The following CLSPN variants were observed in gnomAD, a reference collection of about 807,000 sequenced individuals.
CLSPN encodes claspin homolog.
CLSPN carries 85 observed loss-of-function variants against 156.3 expected under a neutral mutation model. The observed-to-expected ratio is 0.54, with a 90% CI of 0.46 to 0.65. The LOEUF (loss-of-function observed/expected upper bound fraction) is 0.65, where lower values mean the gene tolerates loss of function less well. Ranked by LOEUF, CLSPN falls within the 30% of genes least tolerant of loss-of-function variation. CLSPN has a pLI of 0.00. For synonymous variants in CLSPN, 534 were observed against 542.4 expected, an observed-to-expected ratio of 0.98 and a Z score of 0.22; for missense variants, 1,407 against 1,554.9, an observed-to-expected ratio of 0.90 and a Z score of 1.60.
intron 14 of CLSPN, 80 bp downstream of exon 14, chr1:35,747,827 G>A (rs1641943427): frequency 3.7e-6 from 5 of 1,338,186 alleles, no homozygotes; most frequent in Non-Finnish European, 5.2e-6. Context: ...CAGATGGAGT[G>A]ACAGAAGCTC....
intron 18 of CLSPN, among the ~76,000 whole-genome samples, chr1:35,742,603 T>G (rs1229568036): frequency 6.6e-6 from 1 of 152,122 alleles, no homozygotes; most frequent in African/African-American, 2.4e-5. Flanking sequence ...GGTCTCAAAC[T>G]CCTGACCTCA....
rs992894224 is a variant in CLSPN, at chr1:35,768,502, G to T, written c.24+1345C>A. On this transcript the variant is annotated intron_variant, in intron 1 of 24. Transcript: ENST00000318121. ...GGCTCACTGCAGCCTTGACCTCCCA[G>T]GCCCAAAGGATTCTCTCACCTCAGC... 2.0e-5 allele frequency among the ~76,000 whole-genome samples: 3 copies of T among 151,842 alleles called. No homozygotes were observed. The East Asian group carries it at 5.8e-4, about 29-fold the overall frequency.
chr1:35,722,150 A>T (rs1236153388), intron 24 of CLSPN, among the ~76,000 whole-genome samples: 2 of 151,906 alleles, frequency 1.3e-5, no homozygotes, highest in Non-Finnish European at 2.9e-5. Context: ...AAAAAAAAAA[A>T]TTAAAATAAA....
At chr1:35,763,055 T>C in intron 4 of CLSPN, 105 bp downstream of exon 4, 1 of 913,236 alleles carries the variant, frequency 1.1e-6, no homozygotes, top group Non-Finnish European at 1.5e-6. Context: ...CTGACACAAG[T>C]TTTTCTTCAG....
At chr1:35,729,461 C>T (rs1641267247), downstream of CLSPN, among the ~76,000 whole-genome samples, 1 of 152,174 alleles carries the variant, frequency 6.6e-6, no homozygotes, top group Non-Finnish European at 1.5e-5. Flanking sequence ...AATCAATAAA[C>T]TGAAAATGAA....
At chr1:35,768,452 G>A (rs1642747301) in intron 1 of CLSPN, among the ~76,000 whole-genome samples, 1 of 151,498 alleles carries the variant, frequency 6.6e-6, no homozygotes, top group South Asian at 2.1e-4. Context: ...CTGTCACCTA[G>A]GCTGGAGTGC....
intron 6 of CLSPN, among the ~76,000 whole-genome samples, chr1:35,761,405 A>G (rs1205819344): frequency 6.6e-6 from 1 of 152,238 alleles, no homozygotes. Flanking sequence ...AAAATGATCC[A>G]GGAAGTTTTT....
chr1:35,726,950 C>T (rs577730205), intron 24 of CLSPN, among the ~76,000 whole-genome samples: 1 of 152,190 alleles, frequency 6.6e-6, no homozygotes, highest in East Asian at 1.9e-4. Context: ...TGGTGTGGGG[C>T]GTGAAGTTGC....
rs543313982 is a variant in CLSPN, at chr1:35,761,119, G to A, written c.981C>T (p.His327=). ...FFKRKPRPTC[H]GNAMALLKSS... ...ACTTCAATAGTGCCATGGCATTTCC[G>A]TGGCAAGTGGGCCGGGGTTTACGTT... Residue 327 remains histidine (H), a synonymous_variant, in exon 7 of 25, where the codon CAC becomes CAT. Transcript: ENST00000318121. 2.9e-5 allele frequency: 47 copies of A among 1,609,440 alleles called. No homozygotes were observed. Among genetic ancestry groups the A allele is most frequent in the South Asian group, 2.3e-4 (21 of 90,982 alleles).
At chr1:35,727,209 T>G (rs1641210787), downstream of CLSPN, among the ~76,000 whole-genome samples, 1 of 152,200 alleles carries the variant, frequency 6.6e-6, no homozygotes, top group African/African-American at 2.4e-5. Context: ...GAACCTCCTT[T>G]GGGATCAACA....
intron 4 of CLSPN, among the ~76,000 whole-genome samples, chr1:35,762,829 C>CT (rs1217198580): frequency 6.6e-6 from 1 of 152,100 alleles, no homozygotes; most frequent in Non-Finnish European, 1.5e-5. Context: ...TCCTGAAACC[C>CT]TATAGGGTTC....
Position 35,753,257 on chromosome 1 carries a change from A to G in CLSPN, c.1771+488T>C, listed in dbSNP as rs539074849. ...CAGGTGCAGGCCACCATGCCTGGAT[A>G]ATTTTTTTTTTTTGGTAGAGATGAG... is the stretch of plus-strand genomic sequence containing the variant. On this transcript the variant is annotated intron_variant, in intron 9 of 24. Transcript: ENST00000318121. Among the ~76,000 whole-genome samples, 6 of 151,940 alleles carry G rather than the reference A, an allele frequency of 3.9e-5. No homozygotes were observed. In the South Asian group the frequency reaches 6.2e-4, roughly 16 times the overall value.
intron 18 of CLSPN, among the ~76,000 whole-genome samples, chr1:35,740,318 A>G (rs914431670): frequency 2.0e-5 from 3 of 152,066 alleles, no homozygotes; most frequent in African/African-American, 7.2e-5. Flanking sequence ...ATCTGGTGTC[A>G]CCCTGGATTC....
chr1:35,737,022 A>G lies in CLSPN; in HGVS notation c.3801T>C (p.Ala1267=). 6.2e-7 allele frequency: 1 copy of G among 1,614,174 alleles called. No individual in the cohort carries two copies. The highest frequency in any genetic ancestry group is 8.5e-7 in the Non-Finnish European group (1 of 1,180,012). Residue 1267 remains alanine (A), a synonymous_variant, in exon 24 of 25, where the codon GCT becomes GCC. Coordinates refer to ENST00000318121, the MANE Select transcript of CLSPN (RefSeq NM_022111.4). The part of the protein sequence containing the change: ...NQPKAVLQKL[A]ALSDHNPSAP... Reference sequence around the variant, plus strand: ...CACTGGGGTTATGGTCAGAGAGAGCAGCCAGTTTCTGAAGCACAGCTTTGG... The same window carrying G: ...CACTGGGGTTATGGTCAGAGAGAGCGGCCAGTTTCTGAAGCACAGCTTTGG...
chr1:35,769,415 C>T (rs963848852), intron 1 of CLSPN, among the ~76,000 whole-genome samples: 1 of 152,212 alleles, frequency 6.6e-6, no homozygotes, highest in African/African-American at 2.4e-5. Flanking sequence ...GTGTGGAACT[C>T]CCTAACACCC....
At chr1:35,729,293 C>G (rs1396415437), downstream of CLSPN, among the ~76,000 whole-genome samples, 1 of 152,180 alleles carries the variant, frequency 6.6e-6, no homozygotes, top group Non-Finnish European at 1.5e-5. Context: ...AACCCTACAT[C>G]TAGCCCACCA....
intron 18 of CLSPN, among the ~76,000 whole-genome samples, 191 bp downstream of exon 18, chr1:35,742,950 T>C (rs545064861): frequency 1.6e-4 from 24 of 152,164 alleles, no homozygotes; most frequent in African/African-American, 5.8e-4. Flanking sequence ...GGTTTCACCA[T>C]GTTTGTCAGG....
rs1456884389 is a variant in CLSPN at position 35,739,384 on chromosome 1, G to T, written c.3289C>A (p.Gln1097Lys). 6.2e-7 allele frequency: 1 copy of T among 1,614,016 alleles called. No individual in the cohort carries two copies. Among genetic ancestry groups the T allele is most frequent in the Admixed American group, 1.7e-5 (1 of 59,996 alleles). ...ACTGACATGTGTATTTTCTTGATTT[G>T]ACTCTGCAGTTCCTCATCAGAAGGA... ...VLPSDEELQS[Q>K]IKKIHMKTML... The change falls in exon 19 of 25, where the codon CAA becomes AAA. Residue 1097 changes from glutamine (Q) to lysine (K), a missense_variant. By Grantham distance (53) the Gln-to-Lys change is moderately conservative. This residue lies in a region of CLSPN where 70 missense variants were observed against 121.5 expected (regional missense o/e 0.58). Transcript: ENST00000318121.
rs1641468235 is a variant in CLSPN at position 35,736,265 on chromosome 1, G to A, written c.*231C>T. 8.8e-7 allele frequency: 1 copy of A among 1,137,668 alleles called. No homozygotes were observed. The highest frequency in any genetic ancestry group is 1.1e-6 in the Non-Finnish European group (1 of 928,286). The allele number at this position is 1,137,668 out of a possible 1,614,324, so 70.5% of individuals were successfully genotyped here. A position where few individuals can be genotyped will look rare whatever the true frequency, so the allele number is the denominator to read the frequency against. Reference sequence around the variant, plus strand: ...ACCTCACCCAAGTATTCCATGAGTTGTTGATGTTGTAAATACTGCAGAATT... The same window carrying A: ...ACCTCACCCAAGTATTCCATGAGTTATTGATGTTGTAAATACTGCAGAATT... On this transcript the variant is annotated 3_prime_UTR_variant, in exon 25 of 25. Transcript: ENST00000318121.
Sources: gnomAD v4.1 joint callset for allele counts (sites outside exome capture counted in the v4.1 genomes callset) on GRCh38, gnomAD v4.1.1 for gene constraint, gnomAD v4.1.1 regional missense constraint, MANE v1.5 for transcripts, NCBI Gene and HGNC (gene_info 2026-07-23, HGNC 2026-07-21) for gene names.